SENP7: variants seen among roughly 807,000 people sequenced by gnomAD.
The protein encoded by SENP7 is SUMO specific peptidase 7.
In SENP7, 64 loss-of-function variants were observed where a neutral mutation model predicts 141.2. That is an observed-to-expected ratio of 0.45 (90% CI 0.37 to 0.56). The LOEUF (loss-of-function observed/expected upper bound fraction) is 0.56, where lower values mean the gene tolerates loss of function less well. Among genes scored for constraint, SENP7 ranks in the 20% least tolerant of loss-of-function variants. The pLI is 0.00. For synonymous variants in SENP7, 382 were observed against 426.4 expected (o/e 0.90, Z 1.28); for missense variants, 1,025 against 1,212.2 (o/e 0.85, Z 2.29).
At chr3:101,400,459 G>C (rs2061102630) in intron 5 of SENP7, among the ~76,000 whole-genome samples, 1 of 150,864 alleles carries the variant, frequency 6.6e-6, no homozygotes, top group African/African-American at 2.4e-5. Flanking sequence ...CTCACTTTGT[G>C]TGTCTGTGTC....
chr3:101,419,696 G>A (rs1054472499), intron 4 of SENP7, among the ~76,000 whole-genome samples: 1 of 152,184 alleles, frequency 6.6e-6, no homozygotes, highest in Non-Finnish European at 1.5e-5. Context: ...ATTTGTGTAA[G>A]TTTAAATGCT....
At position 101,336,872 on chromosome 3, in the gene SENP7, A is replaced by C. The variant is rs142695079; in HGVS notation, c.2480+637T>G. On this transcript the variant is annotated intron_variant, in intron 17 of 23. Transcript: ENST00000394095. ...TGGGCAAAAATCAGCTAAATTGTGC[A>C]AACAAATAGGGTATTTCGTATAATG... Among the ~76,000 whole-genome samples the C allele has an allele frequency of 6.1e-3, 928 of 152,340 alleles. 6 individuals carry two copies. The highest frequency in any genetic ancestry group is 0.022 in the African/African-American group (895 of 41,576).
intron 4 of SENP7, among the ~76,000 whole-genome samples, chr3:101,450,706 T>A (rs2063098393): frequency 6.6e-6 from 1 of 152,062 alleles, no homozygotes. Context: ...TGGGACACAT[T>A]CAAAGCAGTG....
intron 3 of SENP7, among the ~76,000 whole-genome samples, chr3:101,471,415 T>G (rs1166869739): frequency 6.6e-6 from 1 of 152,178 alleles, no homozygotes. Context: ...GATTCCCTAT[T>G]TAATAAATGG....
chr3:101,376,378 A>C (rs2060328849), intron 6 of SENP7, among the ~76,000 whole-genome samples: 2 of 152,138 alleles, frequency 1.3e-5, no homozygotes, highest in Non-Finnish European at 2.9e-5. Context: ...ATTCTATTAC[A>C]ATCTTTAAAA....
At chr3:101,335,391 C>T (rs188611710) in intron 17 of SENP7, among the ~76,000 whole-genome samples, 1 of 152,236 alleles carries the variant, frequency 6.6e-6, no homozygotes, top group East Asian at 1.9e-4. Flanking sequence ...GCTCTGATGA[C>T]TTTTAAAAAC....
intron 5 of SENP7, among the ~76,000 whole-genome samples, chr3:101,407,875 T>C (rs1267103108): frequency 1.3e-5 from 2 of 151,480 alleles, no homozygotes; most frequent in East Asian, 1.9e-4. Context: ...CTCAAAAAAC[T>C]AGAGAAACAA....
At chr3:101,436,569 C>A (rs2107742628) in intron 4 of SENP7, among the ~76,000 whole-genome samples, 1 of 151,914 alleles carries the variant, frequency 6.6e-6, no homozygotes, top group East Asian at 1.9e-4. Context: ...TCCAAACAAC[C>A]CTACAGGAAA....
chr3:101,398,527 AAC>A (rs1323661908), intron 6 of SENP7, among the ~76,000 whole-genome samples: 1 of 152,162 alleles, frequency 6.6e-6, no homozygotes, highest in African/African-American at 2.4e-5. Flanking sequence ...GGACAAATAG[AAC>A]AGAAAAAGAG....
chr3:101,404,864 C>G (rs1235103028), intron 5 of SENP7, among the ~76,000 whole-genome samples: 1 of 152,120 alleles, frequency 6.6e-6, no homozygotes, highest in Non-Finnish European at 1.5e-5. Context: ...AAAATCAAAA[C>G]CACAATGAGA....
chr3:101,391,972 T>G (rs1464397430), intron 6 of SENP7, among the ~76,000 whole-genome samples: 1 of 152,192 alleles, frequency 6.6e-6, no homozygotes, highest in Non-Finnish European at 1.5e-5. Context: ...AAAAACCATG[T>G]GATCACCTCA....
At chr3:101,365,044 AT>A in intron 9 of SENP7, 53 bp from the exon 10 acceptor site, 1 of 1,178,838 alleles carries the variant, frequency 8.5e-7, no homozygotes. Context: ...TTATTTATTT[AT>A]TTTTTGAGAC....
chr3:101,405,214 G>A (rs1166788050), intron 5 of SENP7, among the ~76,000 whole-genome samples: 2 of 152,156 alleles, frequency 1.3e-5, no homozygotes, highest in African/African-American at 2.4e-5. Flanking sequence ...TACTATGCTG[G>A]TATCCATGGC....
chr3:101,393,860 C>A (rs903436016), intron 6 of SENP7, among the ~76,000 whole-genome samples: 1 of 152,170 alleles, frequency 6.6e-6, no homozygotes, highest in Non-Finnish European at 1.5e-5. Flanking sequence ...ACAACTCATT[C>A]TCACGGGTAC....
At position 101,347,912 on chromosome 3, in the gene SENP7, C is replaced by T. The variant is rs149199196; in HGVS notation, c.1797G>A (p.Glu599=). The change falls in exon 13 of 24, where the codon GAG becomes GAA. Residue 599 remains glutamate, a synonymous_variant. Coordinates refer to ENST00000394095, the MANE Select transcript of SENP7 (RefSeq NM_020654.5). ...FFWVSSDYLQ[E]IQTQLEHSVL... ...CAGAGTGTTCTAATTGGGTCTGAATCTCTTGAAGATAATCTGAAGAGACCC... is the reference window on the plus strand; with the variant it reads ...CAGAGTGTTCTAATTGGGTCTGAATTTCTTGAAGATAATCTGAAGAGACCC... 8 of 1,602,394 alleles carry T rather than the reference C, an allele frequency of 5.0e-6. No individual in the cohort carries two copies. In the African/African-American group the frequency reaches 9.4e-5, roughly 19 times the overall value.
At chr3:101,444,045 G>GA (rs1272143228) in intron 4 of SENP7, among the ~76,000 whole-genome samples, 4 of 142,270 alleles carry the variant, frequency 2.8e-5, no homozygotes, top group African/African-American at 7.7e-5. Flanking sequence ...AAATTTACAA[G>GA]AAAAAAACAA....
chr3:101,467,788 G>A (rs2063817460), intron 3 of SENP7, among the ~76,000 whole-genome samples: 1 of 152,186 alleles, frequency 6.6e-6, no homozygotes. Flanking sequence ...AAAAATCGGA[G>A]CACCTCGTCT....
Position 101,361,806 on chromosome 3 carries a change from A to G in SENP7, c.1532T>C (p.Met511Thr), listed in dbSNP as rs777207372. Residue 511 changes from methionine to threonine, a missense_variant, in exon 11 of 24, where the codon ATG becomes ACG. Transcript: ENST00000394095. ...TTGTAGATCCATCTCATTACTAGGC[A>G]TAATACTGGAAATGTTCTCCATGAC... ...NPVMENISSI[M>T]PSNEMDLQLD... 3 of 1,608,726 alleles carry G rather than the reference A, an allele frequency of 1.9e-6. No homozygotes were observed. The highest frequency in any genetic ancestry group is 2.5e-6 in the Non-Finnish European group (3 of 1,178,168).
chr3:101,441,392 G>A (rs958969854), intron 4 of SENP7, among the ~76,000 whole-genome samples: 1 of 152,016 alleles, frequency 6.6e-6, no homozygotes, highest in Admixed American at 6.6e-5. Flanking sequence ...ACTGTCCCAG[G>A]AAGAAAGAAC....
Sources: gnomAD v4.1 joint callset for allele counts (sites outside exome capture counted in the v4.1 genomes callset) on GRCh38, gnomAD v4.1.1 for gene constraint, MANE v1.5 for transcripts, NCBI Gene and HGNC (gene_info 2026-07-23, HGNC 2026-07-21) for gene names.